The following ADGRL2 variants were observed in gnomAD, a reference collection of about 807,000 sequenced individuals.
The protein encoded by ADGRL2 is calcium-independent alpha-latrotoxin receptor 2.
Under a neutral mutation model 157.4 loss-of-function variants are expected in ADGRL2, and 44 were observed. The observed-to-expected ratio is 0.28, with a 90% confidence interval of 0.22 to 0.36. The LOEUF (loss-of-function observed/expected upper bound fraction) is 0.36. Among genes scored for constraint, ADGRL2 ranks in the 10% least tolerant of loss-of-function variants. The pLI, the probability that ADGRL2 is intolerant of heterozygous loss-of-function variation, is 1.00. For synonymous variants in ADGRL2, 585 were observed against 624.7 expected (o/e 0.94, Z 0.95); for missense variants, 1,510 against 1,768.9 (o/e 0.85, Z 2.63).
intron 1 of ADGRL2, among the ~76,000 whole-genome samples, chr1:81,745,102 G>T (rs944156886): frequency 5.9e-5 from 9 of 152,176 alleles, no homozygotes; most frequent in African/African-American, 1.9e-4. Flanking sequence ...TGACAAATAT[G>T]AGAGACTTCT....
At chr1:81,890,327 TTAAA>T (rs1437410747) in intron 2 of ADGRL2, among the ~76,000 whole-genome samples, 1 of 152,234 alleles carries the variant, frequency 6.6e-6, no homozygotes, top group African/African-American at 2.4e-5. Context: ...ACTTTGTTAT[TTAAA>T]TAAATTATAT....
intron 3 of ADGRL2, among the ~76,000 whole-genome samples, chr1:81,910,648 G>A (rs888616811): frequency 2.1e-5 from 3 of 143,692 alleles, no homozygotes; most frequent in Non-Finnish European, 4.5e-5. Flanking sequence ...TGTTTTAATT[G>A]TGGTACTCCG....
intron 3 of ADGRL2, among the ~76,000 whole-genome samples, chr1:81,660,833 C>A (rs975043306): frequency 6.6e-5 from 10 of 152,134 alleles, no homozygotes; most frequent in Non-Finnish European, 2.9e-5. Flanking sequence ...TTAGGTCAAA[C>A]ACTGTGCAAT....
At chr1:81,710,134 G>A (rs893628685) in intron 1 of ADGRL2, among the ~76,000 whole-genome samples, 4 of 152,036 alleles carry the variant, frequency 2.6e-5, no homozygotes, top group African/African-American at 4.8e-5. Flanking sequence ...ATTTTCTAAC[G>A]TGTCAGATTC....
chr1:81,919,248 A>C (rs1036047669), intron 3 of ADGRL2, among the ~76,000 whole-genome samples: 1 of 152,160 alleles, frequency 6.6e-6, no homozygotes, highest in Non-Finnish European at 1.5e-5. Context: ...TTATTTAGTA[A>C]AAGCTTTGAG....
chr1:81,513,053 AT>A (rs1188034926), intron 2 of ADGRL2, among the ~76,000 whole-genome samples: 3 of 152,272 alleles, frequency 2.0e-5, no homozygotes, highest in South Asian at 2.1e-4. Flanking sequence ...ATAAATGTAT[AT>A]TTTTTATATT....
At chr1:81,834,594 G>A (rs1297389490) in intron 1 of ADGRL2, among the ~76,000 whole-genome samples, 1 of 152,052 alleles carries the variant, frequency 6.6e-6, no homozygotes, top group Non-Finnish European at 1.5e-5. Context: ...AAAATCTTTT[G>A]ATTTAGTTTC....
chr1:81,707,593 G>A (rs1423688785), intron 1 of ADGRL2, among the ~76,000 whole-genome samples: 2 of 152,084 alleles, frequency 1.3e-5, no homozygotes, highest in Non-Finnish European at 2.9e-5. Flanking sequence ...TGATAATCTG[G>A]ACAATCCTAA....
intron 1 of ADGRL2, among the ~76,000 whole-genome samples, chr1:81,738,016 T>TA (rs1479092729): frequency 2.0e-5 from 3 of 152,190 alleles, no homozygotes; most frequent in African/African-American, 7.2e-5. Flanking sequence ...CAAAATTTGA[T>TA]AGAGTGTGGT....
At chr1:81,426,172 G>T (rs541682718) in intron 1 of ADGRL2, among the ~76,000 whole-genome samples, 2 of 152,170 alleles carry the variant, frequency 1.3e-5, no homozygotes, top group African/African-American at 4.8e-5. Flanking sequence ...TGGACAATAG[G>T]GTGGTTTGAC....
intron 2 of ADGRL2, among the ~76,000 whole-genome samples, chr1:81,504,598 C>T (rs988162192): frequency 1.3e-5 from 2 of 152,180 alleles, no homozygotes; most frequent in South Asian, 4.1e-4. Context: ...GCCCTTCCCT[C>T]AAGCCCAGTG....
At chr1:81,759,189 C>A (rs1443550339) in intron 1 of ADGRL2, among the ~76,000 whole-genome samples, 1 of 152,110 alleles carries the variant, frequency 6.6e-6, no homozygotes, top group Non-Finnish European at 1.5e-5. Flanking sequence ...CTTTACACAT[C>A]AGAGTGATAA....
intron 2 of ADGRL2, 25 bp from the exon 3 acceptor site, chr1:81,906,992 A>T: frequency 6.4e-7 from 1 of 1,567,302 alleles, no homozygotes; most frequent in Non-Finnish European, 8.8e-7. Context: ...GTTACAGTTT[A>T]ATTTTCTTTC....
rs564819504 is a variant in ADGRL2, at chr1:81,321,169, T to C, written c.-302+14660T>C. Reference sequence around the variant, plus strand: ...ACCTCTGATAGTTTCAAACTTTTCTTCTGAAGCTTTATAAAATTGAAGAGA... The same window carrying C: ...ACCTCTGATAGTTTCAAACTTTTCTCCTGAAGCTTTATAAAATTGAAGAGA... On this transcript the variant is annotated intron_variant, in intron 1 of 24. Transcript: ENST00000370721. Among the ~76,000 whole-genome samples, 7 of 152,330 alleles carry C rather than the reference T, an allele frequency of 4.6e-5. No individual in the cohort carries two copies. In the East Asian group the frequency reaches 1.4e-3, roughly 29 times the overall value.
At chr1:81,571,254 G>A (rs1466306963) in intron 2 of ADGRL2, among the ~76,000 whole-genome samples, 2 of 151,392 alleles carry the variant, frequency 1.3e-5, no homozygotes, top group Non-Finnish European at 2.9e-5. Flanking sequence ...GAATCAGATA[G>A]GCAGAGGTTG....
intron 3 of ADGRL2, among the ~76,000 whole-genome samples, chr1:81,692,883 C>T (rs1176791653): frequency 6.6e-6 from 1 of 152,302 alleles, no homozygotes; most frequent in East Asian, 1.9e-4. Context: ...CTGGATGACA[C>T]TGGGCCAATA....
At chr1:81,563,992 A>G (rs1248644395) in intron 2 of ADGRL2, among the ~76,000 whole-genome samples, 2 of 152,220 alleles carry the variant, frequency 1.3e-5, no homozygotes, top group Non-Finnish European at 1.5e-5. Context: ...ATGAGGAAAT[A>G]GAGAACTGAA....
chr1:81,944,951 AC>A (rs1005006650), intron 6 of ADGRL2, among the ~76,000 whole-genome samples: 2 of 152,182 alleles, frequency 1.3e-5, no homozygotes, highest in African/African-American at 4.8e-5. Context: ...ATTGTAGAAT[AC>A]CAAAATACAT....
chr1:81,686,140 G>A (rs1446827541), intron 3 of ADGRL2, among the ~76,000 whole-genome samples: 2 of 152,110 alleles, frequency 1.3e-5, no homozygotes, highest in Non-Finnish European at 2.9e-5. Context: ...TTAGGGTTAT[G>A]CTGGCTTCAT....
Sources: gnomAD v4.1 joint callset for allele counts (sites outside exome capture counted in the v4.1 genomes callset) on GRCh38, gnomAD v4.1.1 for gene constraint, MANE v1.5 for transcripts, NCBI Gene and HGNC (gene_info 2026-07-23, HGNC 2026-07-21) for gene names.